Variants in TEK observed in about 807,000 individuals in gnomAD.
TEK encodes angiopoietin-1 receptor.
A neutral mutation model predicts 131.8 loss-of-function variants in TEK; 43 were observed. That is an observed-to-expected ratio of 0.33 (90% CI 0.26 to 0.42). The LOEUF (loss-of-function observed/expected upper bound fraction) is 0.42, where lower values mean the gene tolerates loss of function less well. TEK is among the 10% of genes least tolerant of loss of function. The pLI is 1.00. For synonymous variants in TEK, 580 were observed against 491.6 expected (o/e 1.18, Z -2.38); for missense variants, 1,162 against 1,384.4 (o/e 0.84, Z 2.55).
chr9:27,217,002 C>T (rs1825840573), intron 18 of TEK, among the ~76,000 whole-genome samples: 2 of 152,164 alleles, frequency 1.3e-5, no homozygotes, highest in Non-Finnish European at 2.9e-5. Flanking sequence ...TTTACAATGT[C>T]CAGGCACATC....
chr9:27,152,605 A>C (rs1350476070), intron 1 of TEK, among the ~76,000 whole-genome samples: 1 of 141,532 alleles, frequency 7.1e-6, no homozygotes, highest in South Asian at 2.3e-4. Context: ...CCCGCCGCAA[A>C]AAAATAAAAT....
chr9:27,134,011 G>A (rs2131067370), intron 1 of TEK, among the ~76,000 whole-genome samples: 1 of 152,312 alleles, frequency 6.6e-6, no homozygotes, highest in African/African-American at 2.4e-5. Context: ...TGAACTGTGA[G>A]GCATGGGAAG....
chr9:27,229,302 A>C lies in TEK; in HGVS notation c.*70A>C. The stretch of plus-strand genomic sequence containing the variant: ...GAGACCCTTGACACCTGCTGAGAAA[A>C]CATGCCTCTGCCAAAGGATGTGATA... On this transcript the variant is annotated 3_prime_UTR_variant, in exon 23 of 23. Transcript: ENST00000380036. 6.9e-7 allele frequency: 1 copy of C among 1,455,090 alleles called. No homozygotes were observed. The highest frequency in any genetic ancestry group is 1.1e-5 in the South Asian group (1 of 87,896). 90.1% of individuals were successfully genotyped at this position (1,455,090 alleles called of 1,614,324 possible).
rs572490572 is a variant in TEK at position 27,158,497 on chromosome 9, T to G, written c.364+355T>G. Among the ~76,000 whole-genome samples the G allele has an allele frequency of 5.9e-5, 9 of 152,318 alleles. No homozygotes were observed. The East Asian group carries it at 1.5e-3, about 26-fold the overall frequency. Reference sequence around the variant, plus strand: ...TGCCAAACTACTATTTTGAGCTTTCTTATTTGATTTTTCATGTGATACATT... The same window carrying G: ...TGCCAAACTACTATTTTGAGCTTTCGTATTTGATTTTTCATGTGATACATT... On this transcript the variant is annotated intron_variant, in intron 2 of 22. Transcript: ENST00000380036.
chr9:27,124,913 A>G (rs1389254101), intron 1 of TEK, among the ~76,000 whole-genome samples: 2 of 152,194 alleles, frequency 1.3e-5, no homozygotes, highest in African/African-American at 4.8e-5. Context: ...TTGACTTCGC[A>G]GATTGGCCTA....
chr9:27,120,057 T>G (rs1821723465), intron 1 of TEK, among the ~76,000 whole-genome samples: 1 of 152,246 alleles, frequency 6.6e-6, no homozygotes, highest in Admixed American at 6.5e-5. Context: ...CTTCTGGGGT[T>G]GATTTAAACA....
chr9:27,135,805 C>G (rs112995725), intron 1 of TEK, among the ~76,000 whole-genome samples: 3 of 152,124 alleles, frequency 2.0e-5, no homozygotes, highest in Non-Finnish European at 2.9e-5. Flanking sequence ...AGGCATAGCA[C>G]TGCACAGGCA....
At chr9:27,153,382 G>A (rs60859647) in intron 1 of TEK, among the ~76,000 whole-genome samples, 3,839 of 152,286 alleles carry the variant, frequency 0.025, 170 homozygotes, top group African/African-American at 0.087. Flanking sequence ...CCCGGGAGGC[G>A]GAAGTTGCAG....
Sources: allele counts gnomAD v4.1 joint callset (sites outside exome capture counted in the v4.1 genomes callset), GRCh38; gene constraint gnomAD v4.1.1; transcripts MANE v1.5; gene names NCBI Gene and HGNC (gene_info 2026-07-23, HGNC 2026-07-21).